GAS7: variants seen among roughly 807,000 people sequenced by gnomAD.
The protein encoded by GAS7 is growth arrest-specific protein 7.
In GAS7, 28 loss-of-function variants were observed where a neutral mutation model predicts 71.1. That is an observed-to-expected ratio of 0.39 (90% CI 0.29 to 0.54). GAS7 has a LOEUF of 0.54. GAS7 is among the 20% of genes least tolerant of loss of function. GAS7 has a pLI of 0.62. For missense variants in GAS7, 436 were observed against 627.8 expected (o/e 0.69, Z 3.27); for synonymous variants, 258 against 245.8 (o/e 1.05, Z -0.46).
intron 1 of GAS7, among the ~76,000 whole-genome samples, chr17:10,106,581 C>T (rs2073758451): frequency 6.6e-6 from 1 of 152,140 alleles, no homozygotes; most frequent in African/African-American, 2.4e-5. Context: ...AGCATTAGAC[C>T]TTCAACATGA....
chr17:9,992,412 G>A (rs1033100507), intron 2 of GAS7, among the ~76,000 whole-genome samples: 1 of 152,070 alleles, frequency 6.6e-6, no homozygotes, highest in Non-Finnish European at 1.5e-5. Flanking sequence ...AGGTGAAGAT[G>A]AGGAGAAAGG....
At chr17:10,082,957 G>A (rs867342977) in intron 1 of GAS7, among the ~76,000 whole-genome samples, 4 of 152,222 alleles carry the variant, frequency 2.6e-5, no homozygotes, top group South Asian at 2.1e-4. Context: ...ATAGAAATCA[G>A]ATTCAGAAGT....
At chr17:10,111,318 G>A (rs78734498) in intron 1 of GAS7, among the ~76,000 whole-genome samples, 150,754 of 150,782 alleles carry the variant, frequency 1, 75,363 homozygotes, top group Middle Eastern at 1. Context: ...GCGGATGATG[G>A]GTAAGGAGAT....
At position 9,956,793 on chromosome 17, in the gene GAS7, C is replaced by T. The variant is rs531910694; in HGVS notation, c.525+2409G>A. Among the ~76,000 whole-genome samples the T allele has an allele frequency of 2.4e-4, 37 of 152,280 alleles. 1 individual carries two copies. The highest frequency in any genetic ancestry group is 7.7e-4 in the East Asian group (4 of 5,180). ...CTGCGGGATCAGACAGCACGGGAAGCGGCTCACCTCATCCCTACACACCAC... is the reference window on the plus strand; with the variant it reads ...CTGCGGGATCAGACAGCACGGGAAGTGGCTCACCTCATCCCTACACACCAC... On this transcript the variant is annotated intron_variant, in intron 5 of 13. Coordinates refer to ENST00000432992, the MANE Select transcript of GAS7 (RefSeq NM_201433.2).
intron 1 of GAS7, among the ~76,000 whole-genome samples, chr17:10,040,879 G>A (rs893334831): frequency 1.4e-4 from 22 of 152,088 alleles, no homozygotes; most frequent in Non-Finnish European, 2.9e-4. Flanking sequence ...AGGTAAAAGC[G>A]GGCCGGGCAC....
At chr17:10,176,413 A>G (rs959352603) in intron 1 of GAS7, among the ~76,000 whole-genome samples, 2 of 152,098 alleles carry the variant, frequency 1.3e-5, no homozygotes, top group African/African-American at 2.4e-5. Context: ...TGCATTCATC[A>G]CCCGTAAACT....
chr17:10,110,831 T>C (rs556358250), intron 1 of GAS7, among the ~76,000 whole-genome samples: 2 of 152,270 alleles, frequency 1.3e-5, no homozygotes, highest in East Asian at 3.9e-4. Context: ...AGCAACAATA[T>C]ATCACACATT....
At chr17:9,943,317 T>G in intron 6 of GAS7, 81 bp from the exon 7 acceptor site, 1 of 808,682 alleles carries the variant, frequency 1.2e-6, no homozygotes, top group South Asian at 1.4e-5. Context: ...GGAGGACGGC[T>G]CCTAGATGTG....
At chr17:10,164,887 G>A (rs962244449) in intron 1 of GAS7, among the ~76,000 whole-genome samples, 19 of 147,268 alleles carry the variant, frequency 1.3e-4, no homozygotes, top group African/African-American at 4.7e-4. Flanking sequence ...AGTGGCTCAC[G>A]CCTGTAATCC....
intron 1 of GAS7, among the ~76,000 whole-genome samples, chr17:10,076,867 A>G (rs117921882): frequency 0.012 from 1,818 of 152,284 alleles, 60 homozygotes; most frequent in East Asian, 0.081. Flanking sequence ...TCAAGCCTGC[A>G]ATGGACTTGA....
intron 12 of GAS7, among the ~76,000 whole-genome samples, chr17:9,918,947 C>G (rs1317985778): frequency 6.6e-6 from 1 of 152,140 alleles, no homozygotes; most frequent in Non-Finnish European, 1.5e-5. Flanking sequence ...GGGCTGACAC[C>G]TGGGGAAGGC....
intron 1 of GAS7, among the ~76,000 whole-genome samples, chr17:10,131,727 ACTCATGAATGTATGAATACATGTG>A (rs1180538260): frequency 6.6e-6 from 1 of 152,222 alleles, no homozygotes. Context: ...GAATACATGT[ACTCATGAATGTATGAATACATGTG>A]CTCATGAATG....
At chr17:9,927,488 AAAACAAAACAAAC>A (rs1275983842) in intron 9 of GAS7, among the ~76,000 whole-genome samples, 3 of 148,688 alleles carry the variant, frequency 2.0e-5, no homozygotes, top group Non-Finnish European at 4.4e-5. Context: ...TCAAAAAAAA[AAAACAAAACAAAC>A]AAACAAAAAA....
At chr17:10,170,063 G>A (rs1461650080) in intron 1 of GAS7, among the ~76,000 whole-genome samples, 4 of 151,954 alleles carry the variant, frequency 2.6e-5, no homozygotes, top group African/African-American at 7.3e-5. Flanking sequence ...CCAAAATCCA[G>A]TGGTGACAGC....
chr17:10,109,969 A>G (rs1278404249), intron 1 of GAS7, among the ~76,000 whole-genome samples: 2 of 150,064 alleles, frequency 1.3e-5, no homozygotes, highest in African/African-American at 4.9e-5. Flanking sequence ...CAGGAGAATC[A>G]CTTGAACCCG....
intron 3 of GAS7, among the ~76,000 whole-genome samples, chr17:9,972,243 G>C (rs1436078627): frequency 6.6e-6 from 1 of 152,190 alleles, no homozygotes; most frequent in Non-Finnish European, 1.5e-5. Context: ...CGCTATGAAG[G>C]CAGCTTAAGA....
At chr17:10,136,008 G>T (rs1206826845) in intron 1 of GAS7, among the ~76,000 whole-genome samples, 1 of 152,142 alleles carries the variant, frequency 6.6e-6, no homozygotes, top group Non-Finnish European at 1.5e-5. Flanking sequence ...ACTGAGCAGG[G>T]GGGTGGTTCA....
At chr17:9,958,216 G>A (rs1348937958) in intron 5 of GAS7, among the ~76,000 whole-genome samples, 3 of 152,086 alleles carry the variant, frequency 2.0e-5, no homozygotes, top group Admixed American at 6.5e-5. Context: ...CAGAGTCCAC[G>A]TTCATCATCG....
At chr17:10,038,454 A>T (rs2072799372) in intron 1 of GAS7, among the ~76,000 whole-genome samples, 1 of 152,222 alleles carries the variant, frequency 6.6e-6, no homozygotes. Flanking sequence ...AATGTAAAAT[A>T]GTACAGCCCC....
Sources: gnomAD v4.1 joint callset for allele counts (sites outside exome capture counted in the v4.1 genomes callset) on GRCh38, gnomAD v4.1.1 for gene constraint, MANE v1.5 for transcripts, NCBI Gene and HGNC (gene_info 2026-07-23, HGNC 2026-07-21) for gene names.